SH2D4B: variants seen among roughly 807,000 people sequenced by gnomAD.
SH2D4B encodes SH2 domain containing 4B, also known as SH2 domain-containing protein 4B.
Under a neutral mutation model 61.5 loss-of-function variants are expected in SH2D4B, and 45 were observed. The observed-to-expected ratio is 0.73, with a 90% CI of 0.58 to 0.94. The LOEUF (loss-of-function observed/expected upper bound fraction) is 0.94, where lower values mean the gene tolerates loss of function less well. Ranked by LOEUF, SH2D4B falls within the 40% of genes least tolerant of loss-of-function variation. The pLI, the probability that SH2D4B is intolerant of heterozygous loss-of-function variation, is 0.00. For synonymous variants in SH2D4B, 224 were observed against 220.4 expected (o/e 1.02, Z -0.14); for missense variants, 572 against 574.2 (o/e 1.00, Z 0.04).
intron 2 of SH2D4B, 112 bp downstream of exon 2, chr10:80,570,428 C>A: frequency 7.4e-7 from 1 of 1,344,672 alleles, no homozygotes. Flanking sequence ...TCATGTTGGC[C>A]GGGCTGGTCT....
At chr10:80,639,303 T>A (rs183197852) in intron 7 of SH2D4B, among the ~76,000 whole-genome samples, 68 of 152,338 alleles carry the variant, frequency 4.5e-4, no homozygotes, top group African/African-American at 1.6e-3. Flanking sequence ...CTATTAGGCC[T>A]GCTTGGTGCA....
At chr10:80,639,305 C>T (rs1305252894) in intron 7 of SH2D4B, among the ~76,000 whole-genome samples, 3 of 152,174 alleles carry the variant, frequency 2.0e-5, no homozygotes, top group Non-Finnish European at 2.9e-5. Flanking sequence ...ATTAGGCCTG[C>T]TTGGTGCAGA....
chr10:80,565,390 CT>C lies in SH2D4B; in HGVS notation c.185-4753del, dbSNP rs111239061. Among the ~76,000 whole-genome samples, 359 of 143,080 alleles carry C rather than the reference CT, an allele frequency of 2.5e-3. 4 individuals are homozygous for C. The highest frequency in any genetic ancestry group is 8.4e-3 in the South Asian group (37 of 4,408). The allele number at this position is 143,080 out of a possible 152,430, so 93.9% of individuals were successfully genotyped here. A position where few individuals can be genotyped will look rare whatever the true frequency, so the allele number is the denominator to read the frequency against. ...TCCATGAAGAACTTTATTTCTTTTC[CT>C]TTTTTTTTTTCTTTTAAAGAGACAT... On this transcript the variant is annotated intron_variant, in intron 1 of 7. Coordinates refer to ENST00000646907, the MANE Select transcript of SH2D4B (RefSeq NM_001388272.1).
intron 6 of SH2D4B, among the ~76,000 whole-genome samples, chr10:80,614,454 A>G (rs909235775): frequency 2.6e-5 from 4 of 152,260 alleles, no homozygotes; most frequent in African/African-American, 9.6e-5. Flanking sequence ...ACCTCTCACC[A>G]GGCCCTACTT....
At chr10:80,643,936 AGATGTG>A in intron 7 of SH2D4B, 51 bp from the exon 8 acceptor site, 1 of 1,334,052 alleles carries the variant, frequency 7.5e-7, no homozygotes. Flanking sequence ...TCTCTCTCAT[AGATGTG>A]TATTTCCCTG....
At chr10:80,631,188 C>T (rs1842828959) in intron 6 of SH2D4B, among the ~76,000 whole-genome samples, 1 of 152,180 alleles carries the variant, frequency 6.6e-6, no homozygotes, top group African/African-American at 2.4e-5. Flanking sequence ...TCTATACTGC[C>T]ATGTTGATTG....
chr10:80,566,090 CAAAAAAA>C (rs60774703), intron 1 of SH2D4B, among the ~76,000 whole-genome samples: 4 of 23,806 alleles, frequency 1.7e-4, no homozygotes, highest in Non-Finnish European at 2.7e-4. Context: ...GACTCCGGCT[CAAAAAAA>C]AAAAAAAAAA....
chr10:80,595,965 G>C (rs751263408), intron 4 of SH2D4B, among the ~76,000 whole-genome samples: 10 of 152,198 alleles, frequency 6.6e-5, no homozygotes, highest in Non-Finnish European at 8.8e-5. Flanking sequence ...TTGGGTATTG[G>C]TGTGTCCTTG....
intron 7 of SH2D4B, among the ~76,000 whole-genome samples, chr10:80,637,069 T>C (rs1840192595): frequency 6.6e-6 from 1 of 152,360 alleles, no homozygotes; most frequent in Non-Finnish European, 1.5e-5. Context: ...TTCTTGTTTT[T>C]GTCAGGTTTG....
At position 80,545,593 on chromosome 10, in the gene SH2D4B, G is replaced by A. The variant is rs149387689; in HGVS notation, c.184+7078G>A. ...TCCATGTACCTGTTTGCTTGTTTAC[G>A]GTCCATCTCTTCCATTAGCCTAAAA... On this transcript the variant is annotated intron_variant, in intron 1 of 7. Transcript: ENST00000646907. 3.3e-4 allele frequency among the ~76,000 whole-genome samples: 48 copies of A among 146,400 alleles called. 1 individual carries two copies. Among genetic ancestry groups the A allele is most frequent in the African/African-American group, 1.2e-3 (45 of 36,540 alleles).
At chr10:80,592,109 C>T (rs775918157) in intron 4 of SH2D4B, among the ~76,000 whole-genome samples, 1 of 152,042 alleles carries the variant, frequency 6.6e-6, no homozygotes, top group Non-Finnish European at 1.5e-5. Context: ...GACATCTCAT[C>T]GTGGTTTTGA....
chr10:80,609,581 G>A, intron 6 of SH2D4B, 30 bp downstream of exon 6: 1 of 1,613,696 alleles, frequency 6.2e-7, no homozygotes, highest in Non-Finnish European at 8.5e-7. Flanking sequence ...CCCTGTGCCA[G>A]ATGATTTCCA....
intron 6 of SH2D4B, among the ~76,000 whole-genome samples, chr10:80,619,107 T>C (rs1429101722): frequency 2.6e-5 from 4 of 151,640 alleles, no homozygotes; most frequent in African/African-American, 9.7e-5. Context: ...ATAGGGGAGG[T>C]GTCAGGAAGG....
intron 1 of SH2D4B, among the ~76,000 whole-genome samples, chr10:80,542,702 G>A (rs971677722): frequency 6.6e-6 from 1 of 152,004 alleles, no homozygotes; most frequent in Middle Eastern, 3.2e-3. Flanking sequence ...GGCCCTGTCA[G>A]TTTTATCTTG....
At chr10:80,544,063 C>T (rs950868758) in intron 1 of SH2D4B, among the ~76,000 whole-genome samples, 6 of 152,024 alleles carry the variant, frequency 3.9e-5, no homozygotes, top group African/African-American at 1.5e-4. Context: ...ACTCCTGTCC[C>T]CTTCCACACT....
At chr10:80,575,246 A>G (rs1007918485) in intron 3 of SH2D4B, among the ~76,000 whole-genome samples, 1 of 151,906 alleles carries the variant, frequency 6.6e-6, no homozygotes, top group African/African-American at 2.4e-5. Context: ...GAATATTTAT[A>G]TGCTCACTCA....
intron 1 of SH2D4B, among the ~76,000 whole-genome samples, chr10:80,560,764 T>C (rs916507078): frequency 2.0e-5 from 3 of 150,450 alleles, no homozygotes; most frequent in African/African-American, 7.3e-5. Context: ...CTGGTGGTGA[T>C]TCTCAAAGTG....
At chr10:80,590,351 T>A (rs569230972) in intron 4 of SH2D4B, among the ~76,000 whole-genome samples, 10 of 152,254 alleles carry the variant, frequency 6.6e-5, no homozygotes, top group African/African-American at 2.4e-4. Context: ...TCTGACTGAA[T>A]GGTTTGCATA....
intron 1 of SH2D4B, among the ~76,000 whole-genome samples, chr10:80,550,113 G>A (rs1473333947): frequency 6.6e-6 from 1 of 152,138 alleles, no homozygotes; most frequent in East Asian, 1.9e-4. Flanking sequence ...AGCTAAGGAG[G>A]ATGGGTCGGA....
Sources: gnomAD v4.1 joint callset for allele counts (sites outside exome capture counted in the v4.1 genomes callset) on GRCh38, gnomAD v4.1.1 for gene constraint, MANE v1.5 for transcripts, NCBI Gene and HGNC (gene_info 2026-07-23, HGNC 2026-07-21) for gene names.